Variants in CNTNAP4 observed in about 807,000 individuals in gnomAD.
CNTNAP4 encodes contactin-associated protein-like 4.
CNTNAP4 carries 98 observed loss-of-function variants against 148.4 expected under a neutral mutation model. The ratio of observed to expected loss-of-function variants is 0.66; its 90% CI spans 0.56 to 0.78. The LOEUF is 0.78. Among genes scored for constraint, CNTNAP4 ranks in the 30% least tolerant of loss-of-function variants. CNTNAP4 has a pLI of 0.00. For missense variants in CNTNAP4, 1,935 were observed against 1,565.6 expected (o/e 1.24, Z -3.98); for synonymous variants, 730 against 565.1 (o/e 1.29, Z -4.14).
At chr16:76,408,059 AT>A (rs147811247) in intron 3 of CNTNAP4, among the ~76,000 whole-genome samples, 4 of 151,802 alleles carry the variant, frequency 2.6e-5, no homozygotes, top group African/African-American at 4.8e-5. Flanking sequence ...TATGATTAGT[AT>A]TTTTTTTAGC....
At position 76,522,706 on chromosome 16, in the gene CNTNAP4, CT is replaced by C. The variant is rs1568497522; in HGVS notation, c.2755+453del. On this transcript the variant is annotated intron_variant, in intron 17 of 23. Coordinates refer to ENST00000611870, the MANE Select transcript of CNTNAP4 (RefSeq NM_033401.5). Reference sequence around the variant, plus strand: ...TCTCTCCTTTCTTTTCTTTTCTTTTCTTTTCTTTTCTTTTCTTTTCTTTTCT... The same window carrying C: ...TCTCTCCTTTCTTTTCTTTTCTTTTCTTTCTTTTCTTTTCTTTTCTTTTCT... Among the ~76,000 whole-genome samples the C allele has an allele frequency of 3.2e-3, 60 of 18,644 alleles. 2 individuals carry two copies. The highest frequency in any genetic ancestry group is 9.3e-3 in the South Asian group (6 of 648). 12.2% of individuals were successfully genotyped at this position (18,644 alleles called of 152,430 possible).
At chr16:76,300,483 C>G (rs1219231518) in intron 1 of CNTNAP4, among the ~76,000 whole-genome samples, 1 of 152,046 alleles carries the variant, frequency 6.6e-6, no homozygotes, top group Admixed American at 6.6e-5. Flanking sequence ...ACCACCATGG[C>G]ACGTGTATAC....
In CNTNAP4 at chr16:76,424,362, C is replaced by A. The variant is rs898993103; in HGVS notation, c.391-3090C>A. ...AATTATAATTAGGGATTGTGTTAGTCTGCCAGTGGCACCTAGGAAATAGAA... is the reference window on the plus strand; with the variant it reads ...AATTATAATTAGGGATTGTGTTAGTATGCCAGTGGCACCTAGGAAATAGAA... On this transcript the variant is annotated intron_variant, in intron 3 of 23. Coordinates refer to ENST00000611870, the MANE Select transcript of CNTNAP4 (RefSeq NM_033401.5). Among the ~76,000 whole-genome samples, 3 of 152,134 alleles carry A rather than the reference C, an allele frequency of 2.0e-5. No homozygotes were observed. In the East Asian group the frequency reaches 5.8e-4, roughly 29 times the overall value.
At chr16:76,416,669 A>G (rs1210053744) in intron 3 of CNTNAP4, among the ~76,000 whole-genome samples, 2 of 151,456 alleles carry the variant, frequency 1.3e-5, no homozygotes, top group Non-Finnish European at 3.0e-5. Context: ...ATACATGGTG[A>G]ATGTTCCATG....
rs1316108275 is a variant in CNTNAP4, at chr16:76,314,563, A to G, written c.86-1850A>G. Among the ~76,000 whole-genome samples, 4 of 152,200 alleles carry G rather than the reference A, an allele frequency of 2.6e-5. No homozygotes were observed. The South Asian group carries it at 6.2e-4, about 24-fold the overall frequency. ...TAACTACTACATTTTGCAAGAATCA[A>G]TGAATATCTTTAAAGCAAAATTAGG... On this transcript the variant is annotated intron_variant, in intron 1 of 23. Coordinates refer to ENST00000611870, the MANE Select transcript of CNTNAP4 (RefSeq NM_033401.5).
chr16:76,490,310 A>C (rs1568379427), intron 13 of CNTNAP4, among the ~76,000 whole-genome samples: 1 of 152,282 alleles, frequency 6.6e-6, no homozygotes, highest in East Asian at 1.9e-4. Flanking sequence ...TGGATTGTTG[A>C]CAGCCTCTGG....
At position 76,467,409 on chromosome 16, in the gene CNTNAP4, G is replaced by T. The variant is rs764431641; in HGVS notation, c.1541G>T (p.Gly514Val). 1 of 1,613,900 alleles carries T rather than the reference G, an allele frequency of 6.2e-7. No individual in the cohort carries two copies. Among genetic ancestry groups the T allele is most frequent in the Non-Finnish European group, 8.5e-7 (1 of 1,179,846 alleles). Residue 514 changes from glycine to valine, a missense_variant, in exon 10 of 24, where the codon GGA becomes GTA. Gly to Val is a moderately radical substitution (Grantham distance 109). Transcript: ENST00000611870. ...KCKSPLGGFQ[G>V]CMRLISISGK... Reference sequence around the variant, plus strand: ...AAAAGTCCACTTGGTGGATTTCAGGGATGTATGAGGCTCATTTCTATCAGC... The same window carrying T: ...AAAAGTCCACTTGGTGGATTTCAGGTATGTATGAGGCTCATTTCTATCAGC...
intron 23 of CNTNAP4, among the ~76,000 whole-genome samples, chr16:76,556,035 C>T (rs1284535920): frequency 1.3e-5 from 2 of 152,182 alleles, no homozygotes; most frequent in Non-Finnish European, 2.9e-5. Flanking sequence ...TCTAGTCACT[C>T]ATAAATTGCA....
chr16:76,403,527 ATTAAAAAG>A, intron 3 of CNTNAP4, among the ~76,000 whole-genome samples: 1 of 152,350 alleles, frequency 6.6e-6, no homozygotes, highest in Admixed American at 6.5e-5. Flanking sequence ...AATGGCTATT[ATTAAAAAG>A]TTAAAAAGTA....
intron 23 of CNTNAP4, among the ~76,000 whole-genome samples, chr16:76,554,295 C>A (rs1265772275): frequency 6.6e-6 from 1 of 152,038 alleles, no homozygotes; most frequent in East Asian, 1.9e-4. Context: ...AAGGTTCATG[C>A]AAAAAGTAGG....
In CNTNAP4 at chr16:76,389,788, C is replaced by CGAT. The variant is rs545286038; in HGVS notation, c.390+34278_390+34280dup. 3.1e-3 allele frequency among the ~76,000 whole-genome samples: 465 copies of CGAT among 152,112 alleles called. 3 individuals are homozygous for CGAT. The highest frequency in any genetic ancestry group is 0.011 in the African/African-American group (443 of 41,500). On this transcript the variant is annotated intron_variant, in intron 3 of 23. Coordinates refer to ENST00000611870, the MANE Select transcript of CNTNAP4 (RefSeq NM_033401.5). ...GCCAACAGTGGTGTTTATGGGAACC[C>CGAT]GATCTCAGAATAGTGGCCTATTCTG... is the stretch of plus-strand genomic sequence containing the variant.
intron 2 of CNTNAP4, among the ~76,000 whole-genome samples, chr16:76,325,262 TATGTA>T (rs1198252866): frequency 6.6e-6 from 1 of 152,174 alleles, no homozygotes; most frequent in African/African-American, 2.4e-5. Flanking sequence ...AAAATTAAAA[TATGTA>T]ATGTATATTT....
intron 3 of CNTNAP4, among the ~76,000 whole-genome samples, chr16:76,398,107 A>G (rs896183178): frequency 1.3e-5 from 2 of 149,654 alleles, no homozygotes. Context: ...CTGGAGTCCA[A>G]TGTTTGAGAG....
intron 3 of CNTNAP4, among the ~76,000 whole-genome samples, chr16:76,381,311 T>C (rs1597375469): frequency 6.6e-6 from 1 of 152,140 alleles, no homozygotes; most frequent in Non-Finnish European, 1.5e-5. Context: ...AAACCTGACA[T>C]TGAACCATCA....
chr16:76,550,691 C>A (rs1001353725), intron 21 of CNTNAP4, among the ~76,000 whole-genome samples: 2 of 148,186 alleles, frequency 1.3e-5, no homozygotes, highest in African/African-American at 5.0e-5. Flanking sequence ...AAAAAAAACT[C>A]CAAATCAAGA....
chr16:76,317,279 AAAAAAAAAAAAACCC>A (rs1961882201), intron 2 of CNTNAP4, among the ~76,000 whole-genome samples: 10 of 33,712 alleles, frequency 3.0e-4, no homozygotes, highest in South Asian at 6.3e-4. Context: ...AAAAAAAACC[AAAAAAAAAAAAACCC>A]AAAAAACCCC....
intron 2 of CNTNAP4, among the ~76,000 whole-genome samples, chr16:76,339,432 A>T (rs535891749): frequency 3.3e-5 from 5 of 152,130 alleles, no homozygotes; most frequent in Admixed American, 3.3e-4. Context: ...AAATTTTAAG[A>T]TATTTATGTT....
At chr16:76,473,008 G>T (rs892736200) in intron 10 of CNTNAP4, among the ~76,000 whole-genome samples, 2 of 152,078 alleles carry the variant, frequency 1.3e-5, no homozygotes, top group African/African-American at 2.4e-5. Context: ...GGGGGCAGAG[G>T]GGGGAAGCCT....
intron 17 of CNTNAP4, among the ~76,000 whole-genome samples, chr16:76,529,103 C>A (rs1353616504): frequency 6.6e-6 from 1 of 152,190 alleles, no homozygotes; most frequent in East Asian, 1.9e-4. Context: ...TCCTCTCCTC[C>A]AGATAATTCC....
Sources: allele counts gnomAD v4.1 joint callset (sites outside exome capture counted in the v4.1 genomes callset), GRCh38; gene constraint gnomAD v4.1.1; transcripts MANE v1.5; gene names NCBI Gene and HGNC (gene_info 2026-07-23, HGNC 2026-07-21).